Variants in FOXRED2 observed in about 807,000 individuals in gnomAD.
FOXRED2 encodes FAD-dependent oxidoreductase domain-containing protein 2.
In FOXRED2, 32 loss-of-function variants were observed where a neutral mutation model predicts 52.5. The observed-to-expected ratio is 0.61, with a 90% CI of 0.46 to 0.82. The LOEUF is 0.82. FOXRED2 is among the 40% of genes least tolerant of loss of function. The pLI, the probability that FOXRED2 is intolerant of heterozygous loss-of-function variation, is 0.00. For missense variants in FOXRED2, 848 were observed against 937.5 expected, an observed-to-expected ratio of 0.90 and a Z score of 1.25; for synonymous variants, 405 against 398.1, an observed-to-expected ratio of 1.02 and a Z score of -0.21.
Position 36,490,265 on chromosome 22 carries a change from ACT to A in FOXRED2, c.1796_1797del (p.Glu599ValfsTer80), listed in dbSNP as rs777340465. The stretch of plus-strand genomic sequence containing the variant: ...CGCGTGAGGGCGAACAGGAAGCAGG[ACT>A]CTACACAAAAGCAAAATGAGGAGAA... The part of the protein sequence containing the change: ...LDTDLRSFYA[E>X]SCFLFALTRQ... On this transcript the variant is annotated frameshift_variant and splice_region_variant, in exon 9 of 9. Coordinates refer to ENST00000397224, the MANE Select transcript of FOXRED2 (RefSeq NM_001102371.2). LOFTEE classifies it low-confidence loss of function (END_TRUNC). 2 of 1,593,288 alleles carry A rather than the reference ACT, an allele frequency of 1.3e-6. No homozygotes were observed. Among genetic ancestry groups the A allele is most frequent in the Non-Finnish European group, 1.7e-6 (2 of 1,166,130 alleles).
At chr22:36,505,725 C>T (rs1934172025) in intron 2 of FOXRED2, among the ~76,000 whole-genome samples, 171 bp downstream of exon 2, 1 of 151,874 alleles carries the variant, frequency 6.6e-6, no homozygotes, top group African/African-American at 2.4e-5. Context: ...GAGCTGACCT[C>T]GTGCCATTGC....
At chr22:36,505,778 A>G in intron 2 of FOXRED2, 118 bp downstream of exon 2, 1 of 1,194,246 alleles carries the variant, frequency 8.4e-7, no homozygotes, top group Non-Finnish European at 1.2e-6. Flanking sequence ...CTTAAAAAAA[A>G]AAAAAAGCGA....
chr22:36,495,969 G>A lies in FOXRED2; in HGVS notation c.1622C>T (p.Thr541Ile), dbSNP rs376453305. The A allele has an allele frequency of 1.2e-6, 2 of 1,613,798 alleles. No homozygotes were observed. The highest frequency in any genetic ancestry group is 1.7e-6 in the Non-Finnish European group (2 of 1,179,640). ...PVIYYYRYLP[T>I]EQEVRFRPAH... Reference sequence around the variant, plus strand: ...GGGAAGGGCAGAGACCTGCTCACCGGTGGGGAGGTATCTATAGTAGTAGAT... The same window carrying A: ...GGGAAGGGCAGAGACCTGCTCACCGATGGGGAGGTATCTATAGTAGTAGAT... Residue 541 changes from threonine (T) to isoleucine (I), a missense_variant and splice_region_variant, in exon 7 of 9, where the codon ACC (threonine) becomes ATC (isoleucine). Coordinates refer to ENST00000397224, the MANE Select transcript of FOXRED2 (RefSeq NM_001102371.2).
intron 4 of FOXRED2, among the ~76,000 whole-genome samples, chr22:36,503,081 T>C (rs1050016709): frequency 1.3e-5 from 2 of 151,820 alleles, no homozygotes; most frequent in African/African-American, 4.8e-5. Flanking sequence ...CTCGACCTCC[T>C]GGGCTCAAGT....
In FOXRED2 at chr22:36,506,149, C is replaced by T; in HGVS notation, c.274G>A (p.Glu92Lys). ...TTCCAGTCGTGGCGGAGGTTGAACTCGGCGTTAGCCTTGCCCGTGTACCGC... is the reference window on the plus strand; with the variant it reads ...TTCCAGTCGTGGCGGAGGTTGAACTTGGCGTTAGCCTTGCCCGTGTACCGC... The part of the protein sequence containing the change: ...NKRYTGKANA[E>K]FNLRHDWNSL... Residue 92 changes from glutamate to lysine, a missense_variant, in exon 2 of 9, where the codon GAG becomes AAG. Coordinates refer to ENST00000397224, the MANE Select transcript of FOXRED2 (RefSeq NM_001102371.2). The T allele has an allele frequency of 2.5e-6, 4 of 1,614,266 alleles. No individual in the cohort carries two copies. The highest frequency in any genetic ancestry group is 3.4e-6 in the Non-Finnish European group (4 of 1,180,038).
At chr22:36,505,852 G>A in intron 2 of FOXRED2, 44 bp downstream of exon 2, 1 of 1,589,292 alleles carries the variant, frequency 6.3e-7, no homozygotes, top group South Asian at 1.1e-5. Flanking sequence ...GTTCGTGTGG[G>A]GAAGGTCCCA....
Position 36,506,041 on chromosome 22 carries a change from A to G in FOXRED2, c.382T>C (p.Tyr128His), listed in dbSNP as rs1171975691. 6.2e-7 allele frequency: 1 copy of G among 1,614,142 alleles called. No individual in the cohort carries two copies. Among genetic ancestry groups the G allele is most frequent in the African/African-American group, 1.3e-5 (1 of 74,960 alleles). ...AGCGTGTCCGCGAAGTCACCCAGGT[A>G]GCGCACCATGTCGCGGGCGTCGGGG... is the stretch of plus-strand genomic sequence containing the variant. Reference protein sequence around the residue: ...YFPDARDMVRYLGDFADTLGL... With the variant: ...YFPDARDMVRHLGDFADTLGL... The change falls in exon 2 of 9, where the codon TAC becomes CAC. Residue 128 changes from tyrosine (Y) to histidine (H), a missense_variant. By Grantham distance (83) the Tyr-to-His change is moderately conservative. Coordinates refer to ENST00000397224, the MANE Select transcript of FOXRED2 (RefSeq NM_001102371.2).
At chr22:36,491,559 C>T (rs1417378643) in intron 8 of FOXRED2, among the ~76,000 whole-genome samples, 6 of 152,162 alleles carry the variant, frequency 3.9e-5, no homozygotes, top group East Asian at 1.9e-4. Flanking sequence ...CCCGCCACCA[C>T]GCTCAGCTAA....
At chr22:36,501,094 G>T in intron 5 of FOXRED2, 147 bp downstream of exon 5, 2 of 848,418 alleles carry the variant, frequency 2.4e-6, no homozygotes, top group Non-Finnish European at 1.8e-6. Context: ...ACAAAAACCT[G>T]TTGTCACTTC....
At chr22:36,494,610 C>T (rs1233028917) in intron 7 of FOXRED2, among the ~76,000 whole-genome samples, 3 of 152,100 alleles carry the variant, frequency 2.0e-5, no homozygotes, top group Admixed American at 6.6e-5. Flanking sequence ...TGACCAATTC[C>T]CCCACTGAAC....
intron 5 of FOXRED2, among the ~76,000 whole-genome samples, chr22:36,499,990 G>A (rs964930935): frequency 5.9e-5 from 9 of 152,012 alleles, no homozygotes; most frequent in Admixed American, 3.9e-4. Flanking sequence ...AAGTAGAGGT[G>A]GGATTTCACC....
chr22:36,506,151 G>GC lies in FOXRED2; in HGVS notation c.271dup (p.Ala91GlyfsTer41). The stretch of plus-strand genomic sequence containing the variant: ...CCAGTCGTGGCGGAGGTTGAACTCG[G>GC]CGTTAGCCTTGCCCGTGTACCGCTT... On this transcript the variant is annotated frameshift_variant, in exon 2 of 9. Transcript: ENST00000397224. LOFTEE classifies it high-confidence loss of function. The GC allele has an allele frequency of 6.2e-7, 1 of 1,614,270 alleles. No individual in the cohort carries two copies. The highest frequency in any genetic ancestry group is 8.5e-7 in the Non-Finnish European group (1 of 1,180,048).
chr22:36,505,913 G>A lies in FOXRED2; in HGVS notation c.510C>T (p.Gly170=). 2 of 1,612,916 alleles carry A rather than the reference G, an allele frequency of 1.2e-6. No individual in the cohort carries two copies. Among genetic ancestry groups the A allele is most frequent in the Non-Finnish European group, 1.7e-6 (2 of 1,178,908 alleles). Residue 170 remains glycine, a synonymous_variant, in exon 2 of 9, where the codon GGC becomes GGT. Coordinates refer to ENST00000397224, the MANE Select transcript of FOXRED2 (RefSeq NM_001102371.2). Reference sequence around the variant, plus strand: ...GGCCTTACCTGCACTGATGCACCTGGCCCTTCTGGTCAGTTAGGATGAAGT... The same window carrying A: ...GGCCTTACCTGCACTGATGCACCTGACCCTTCTGGTCAGTTAGGATGAAGT... The part of the protein sequence containing the change: ...GHYFILTDQK[G]QVHQCSVLFV...
At chr22:36,495,933 C>A in intron 7 of FOXRED2, 34 bp downstream of exon 7, 2 of 1,608,236 alleles carry the variant, frequency 1.2e-6, no homozygotes, top group Non-Finnish European at 8.5e-7. Context: ...GTCTGAGGAG[C>A]CCACAGGTTG....
rs542634241 is a variant in FOXRED2 at position 36,500,111 on chromosome 22, T to C, written c.1216+1130A>G. Among the ~76,000 whole-genome samples the C allele has an allele frequency of 6.6e-5, 10 of 152,238 alleles. No homozygotes were observed. The South Asian group carries it at 2.1e-3, about 32-fold the overall frequency. On this transcript the variant is annotated intron_variant, in intron 5 of 8. Transcript: ENST00000397224. Reference sequence around the variant, plus strand: ...CCACCGTGCCTGGCCACATCTAACATTTTAGACTCCTCTCCACAGAAAGGG... The same window carrying C: ...CCACCGTGCCTGGCCACATCTAACACTTTAGACTCCTCTCCACAGAAAGGG...
In FOXRED2 at chr22:36,496,336, C is replaced by A. The variant is rs1251157829; in HGVS notation, c.1383-128G>T. The stretch of plus-strand genomic sequence containing the variant: ...AAGGAGCGTCAATCAAGCAGCACAC[C>A]CCTCACTTAACATTACTTTTTCAGC... On this transcript the variant is annotated intron_variant, in intron 6 of 8. Transcript: ENST00000397224. The A allele has an allele frequency of 1.6e-5, 18 of 1,145,056 alleles. No individual in the cohort carries two copies. In the Admixed American group the frequency reaches 4.5e-4, roughly 28 times the overall value. The allele number at this position is 1,145,056 out of a possible 1,614,324, so 70.9% of individuals were successfully genotyped here.
intron 4 of FOXRED2, among the ~76,000 whole-genome samples, chr22:36,503,155 ATTTTTG>A (rs955787127): frequency 5.9e-5 from 9 of 151,404 alleles, no homozygotes; most frequent in Non-Finnish European, 1.2e-4. Context: ...CACCTGGCTA[ATTTTTG>A]TATTTTTTGT....
chr22:36,502,730 G>A (rs187610045), intron 4 of FOXRED2, among the ~76,000 whole-genome samples: 33 of 151,890 alleles, frequency 2.2e-4, no homozygotes, highest in Non-Finnish European at 2.6e-4. Flanking sequence ...TTGCACTGTC[G>A]CCTGGGCTGG....
Position 36,489,670 on chromosome 22 carries a change from AG to A in FOXRED2, c.*337del, listed in dbSNP as rs1310722035. The A allele has an allele frequency of 8.6e-6, 2 of 231,276 alleles. No individual in the cohort carries two copies. The highest frequency in any genetic ancestry group is 1.7e-5 in the Non-Finnish European group (2 of 119,172). 14.3% of individuals were successfully genotyped at this position (231,276 alleles called of 1,614,324 possible). A position where few individuals can be genotyped will look rare whatever the true frequency, so the allele number is the denominator to read the frequency against. On this transcript the variant is annotated 3_prime_UTR_variant, in exon 9 of 9. Coordinates refer to ENST00000397224, the MANE Select transcript of FOXRED2 (RefSeq NM_001102371.2). ...AGGCGGGATGCAGGCCCATCTGAGG[AG>A]GGGCTTGGAAGGAAGAGGAGCACTT...
Sources: gnomAD v4.1 joint callset for allele counts (sites outside exome capture counted in the v4.1 genomes callset) on GRCh38, gnomAD v4.1.1 for gene constraint, MANE v1.5 for transcripts, NCBI Gene and HGNC (gene_info 2026-07-23, HGNC 2026-07-21) for gene names.